SLC5A1: variants seen among roughly 807,000 people sequenced by gnomAD.
SLC5A1 encodes sodium/glucose cotransporter 1.
SLC5A1 carries 42 observed loss-of-function variants against 73.5 expected under a neutral mutation model. The observed-to-expected ratio is 0.57, with a 90% CI of 0.45 to 0.74. The LOEUF (loss-of-function observed/expected upper bound fraction) is 0.74, where lower values mean the gene tolerates loss of function less well. Among genes scored for constraint, SLC5A1 ranks in the 30% least tolerant of loss-of-function variants. SLC5A1 has a pLI of 0.00. For missense variants in SLC5A1, 634 were observed against 855.4 expected, an observed-to-expected ratio of 0.74 and a Z score of 3.23; for synonymous variants, 300 against 317.4, an observed-to-expected ratio of 0.95 and a Z score of 0.58.
intron 5 of SLC5A1, among the ~76,000 whole-genome samples, chr22:32,072,293 A>G (rs1196168798): frequency 6.6e-6 from 1 of 152,110 alleles, no homozygotes; most frequent in Non-Finnish European, 1.5e-5. Context: ...GGTCTCACTT[A>G]TAAGTGAGAA....
At chr22:32,063,063 G>C (rs926107624) in intron 2 of SLC5A1, among the ~76,000 whole-genome samples, 4 of 152,116 alleles carry the variant, frequency 2.6e-5, no homozygotes, top group Admixed American at 2.0e-4. Flanking sequence ...TATGGGGAGA[G>C]AGAGAAAGAG....
At chr22:32,106,860 A>G (rs1177500057) in intron 14 of SLC5A1, among the ~76,000 whole-genome samples, 1 of 152,176 alleles carries the variant, frequency 6.6e-6, no homozygotes, top group East Asian at 1.9e-4. Flanking sequence ...TGGAGGCCTC[A>G]TATCACTCCA....
Position 32,086,285 on chromosome 22 carries a change from A to C in SLC5A1, c.1087A>C (p.Asn363His), listed in dbSNP as rs1277406525. ...KYCGTKVGCT[N>H]IAYPTLVVEL... Reference sequence around the variant, plus strand: ...TTGCGGTACCAAGGTTGGCTGTACCAACATCGCCTATCCAACCTTAGTGGT... The same window carrying C: ...TTGCGGTACCAAGGTTGGCTGTACCCACATCGCCTATCCAACCTTAGTGGT... The change falls in exon 10 of 15, where the codon AAC becomes CAC. Residue 363 changes from asparagine (N) to histidine (H), a missense_variant. By Grantham distance (68) the Asn-to-His change is moderately conservative (BLOSUM62 1). Around this residue, in one of 3 missense-constraint regions of SLC5A1, gnomAD observed 422 missense variants for 626.1 expected, o/e 0.67. Transcript: ENST00000266088. 6.2e-7 allele frequency: 1 copy of C among 1,614,040 alleles called. No homozygotes were observed. Among genetic ancestry groups the C allele is most frequent in the Admixed American group, 1.7e-5 (1 of 60,028 alleles).
At chr22:32,095,785 T>C (rs1055784392) in intron 11 of SLC5A1, among the ~76,000 whole-genome samples, 2 of 152,252 alleles carry the variant, frequency 1.3e-5, no homozygotes, top group African/African-American at 4.8e-5. Flanking sequence ...AGATACTTGA[T>C]TGATAAATTC....
intron 5 of SLC5A1, among the ~76,000 whole-genome samples, chr22:32,076,603 C>T (rs1276961411): frequency 6.6e-6 from 1 of 152,192 alleles, no homozygotes; most frequent in Non-Finnish European, 1.5e-5. Context: ...GATTTGAATG[C>T]TCATTCCCAG....
intron 11 of SLC5A1, among the ~76,000 whole-genome samples, chr22:32,097,671 A>G (rs1355877418): frequency 6.6e-6 from 1 of 151,106 alleles, no homozygotes; most frequent in East Asian, 1.9e-4. Context: ...GAAGGAGGAG[A>G]AGAAGAAAAC....
chr22:32,099,756 G>C (rs16989863), intron 12 of SLC5A1, among the ~76,000 whole-genome samples: 1,962 of 152,136 alleles, frequency 0.013, 47 homozygotes, highest in African/African-American at 0.044. Context: ...TGACTGCATG[G>C]CACTCCCTAG....
intron 2 of SLC5A1, among the ~76,000 whole-genome samples, chr22:32,060,184 CACAT>C (rs1231623501): frequency 0.036 from 3,929 of 107,844 alleles, 98 homozygotes; most frequent in Middle Eastern, 0.06. Flanking sequence ...CACACACACA[CACAT>C]ATATATATAT....
chr22:32,100,418 C>T (rs138852718), intron 12 of SLC5A1, among the ~76,000 whole-genome samples: 6 of 152,156 alleles, frequency 3.9e-5, no homozygotes, highest in South Asian at 2.1e-4. Flanking sequence ...CAGATCTTAC[C>T]GGAAAGGCTT....
Position 32,088,518 on chromosome 22 carries a change from T to C in SLC5A1, c.1129+2191T>C, listed in dbSNP as rs979833880. Among the ~76,000 whole-genome samples the C allele has an allele frequency of 1.1e-4, 16 of 152,022 alleles. 1 individual carries two copies. Among genetic ancestry groups the C allele is most frequent in the African/African-American group, 3.1e-4 (13 of 41,370 alleles). On this transcript the variant is annotated intron_variant, in intron 10 of 14. Transcript: ENST00000266088. ...CGCCCAGCTAATTTTTTTGTATTTT[T>C]AGTACAGACGGGGTTTCACCACATT...
intron 13 of SLC5A1, 148 bp downstream of exon 13, chr22:32,102,385 T>C (rs1368476816): frequency 2.9e-6 from 2 of 684,650 alleles, no homozygotes; most frequent in East Asian, 5.4e-5. Context: ...GCATACAATA[T>C]AAAATAATCA....
chr22:32,068,912 G>C (rs2093978509), intron 5 of SLC5A1, among the ~76,000 whole-genome samples: 2 of 152,030 alleles, frequency 1.3e-5, no homozygotes, highest in Admixed American at 6.5e-5. Flanking sequence ...TCACTACTGG[G>C]TATATATGTA....
At chr22:32,083,541 A>G (rs2094003272) in intron 7 of SLC5A1, among the ~76,000 whole-genome samples, 1 of 152,210 alleles carries the variant, frequency 6.6e-6, no homozygotes, top group South Asian at 2.1e-4. Flanking sequence ...GCTATATCTT[A>G]TCTACATTTT....
chr22:32,064,875 A>C (rs986857498), intron 2 of SLC5A1, among the ~76,000 whole-genome samples: 1 of 152,192 alleles, frequency 6.6e-6, no homozygotes, highest in Non-Finnish European at 1.5e-5. Context: ...GAGCAATTTA[A>C]AAAAGCAAAT....
intron 10 of SLC5A1, among the ~76,000 whole-genome samples, chr22:32,086,837 A>G (rs1019979566): frequency 6.6e-6 from 1 of 152,240 alleles, no homozygotes; most frequent in African/African-American, 2.4e-5. Flanking sequence ...CAAGATGTGG[A>G]ATCAATATAA....
intron 5 of SLC5A1, among the ~76,000 whole-genome samples, chr22:32,074,158 G>A (rs1041639213): frequency 2.0e-5 from 3 of 152,176 alleles, no homozygotes; most frequent in African/African-American, 7.2e-5. Flanking sequence ...GTTCAAGCAG[G>A]TGAAAGTCTG....
chr22:32,104,963 C>A (rs2094042886), intron 14 of SLC5A1, 72 bp downstream of exon 14: 2 of 1,090,494 alleles, frequency 1.8e-6, no homozygotes, highest in Non-Finnish European at 2.8e-6. Flanking sequence ...TACTGAAGTT[C>A]TTCCCTAAAT....
At chr22:32,090,368 T>C (rs957916352) in intron 10 of SLC5A1, among the ~76,000 whole-genome samples, 4 of 152,228 alleles carry the variant, frequency 2.6e-5, no homozygotes, top group African/African-American at 9.6e-5. Context: ...GATTTGCCTA[T>C]TCTGGATATT....
At position 32,060,232 on chromosome 22, in the gene SLC5A1, C is replaced by T. The variant is rs1157224902; in HGVS notation, c.208-6703C>T. ...AAGAGATGGAACTTTGCTCTTGTTG[C>T]CCAGGCTGGAGCCCAATAGCGCGAT... On this transcript the variant is annotated intron_variant, in intron 2 of 14. Coordinates refer to ENST00000266088, the MANE Select transcript of SLC5A1 (RefSeq NM_000343.4). Among the ~76,000 whole-genome samples the T allele has an allele frequency of 3.3e-5, 5 of 151,590 alleles. No homozygotes were observed. In the East Asian group the frequency reaches 7.7e-4, roughly 23 times the overall value.
Sources: allele counts gnomAD v4.1 joint callset (sites outside exome capture counted in the v4.1 genomes callset), GRCh38; gene constraint gnomAD v4.1.1; regional missense constraint gnomAD v4.1.1; transcripts MANE v1.5; gene names NCBI Gene and HGNC (gene_info 2026-07-23, HGNC 2026-07-21).